Variants in SH3PXD2A observed in about 807,000 individuals in gnomAD.
SH3PXD2A encodes the protein SH3 and PX domain-containing protein 2A.
A neutral mutation model predicts 115.2 loss-of-function variants in SH3PXD2A; 32 were observed. The ratio of observed to expected loss-of-function variants is 0.28; its 90% CI spans 0.21 to 0.37. SH3PXD2A has a LOEUF of 0.37. Among genes scored for constraint, SH3PXD2A ranks in the 10% least tolerant of loss-of-function variants. SH3PXD2A has a pLI of 1.00. For missense variants in SH3PXD2A, 1,328 were observed against 1,498.7 expected (o/e 0.89, Z 1.88); for synonymous variants, 610 against 629.1 (o/e 0.97, Z 0.45).
intron 9 of SH3PXD2A, among the ~76,000 whole-genome samples, chr10:103,625,901 C>T (rs2036684550): frequency 6.6e-6 from 1 of 152,192 alleles, no homozygotes; most frequent in African/African-American, 2.4e-5. Context: ...ACAACAACAA[C>T]AAAAAGAATG....
chr10:103,689,011 C>T (rs1336930962), intron 6 of SH3PXD2A, among the ~76,000 whole-genome samples: 3 of 152,088 alleles, frequency 2.0e-5, no homozygotes, highest in Non-Finnish European at 4.4e-5. Flanking sequence ...GGACTACAGG[C>T]CTGCACCACT....
chr10:103,820,343 A>C (rs2039365415), intron 1 of SH3PXD2A, among the ~76,000 whole-genome samples: 2 of 152,102 alleles, frequency 1.3e-5, no homozygotes, highest in African/African-American at 4.8e-5. Context: ...ATTTGCTCCC[A>C]GGTCCCCTCA....
intron 13 of SH3PXD2A, among the ~76,000 whole-genome samples, chr10:103,610,388 T>G (rs2036407863): frequency 6.6e-6 from 1 of 152,226 alleles, no homozygotes; most frequent in African/African-American, 2.4e-5. Flanking sequence ...AAATCAAGTC[T>G]GCCTGAAAAT....
At chr10:103,781,174 T>G (rs1316274769) in intron 2 of SH3PXD2A, among the ~76,000 whole-genome samples, 2 of 152,238 alleles carry the variant, frequency 1.3e-5, no homozygotes, top group African/African-American at 4.8e-5. Flanking sequence ...TGCCTTGATA[T>G]TTCCACTGTC....
chr10:103,827,886 G>A (rs1312929666), intron 1 of SH3PXD2A, among the ~76,000 whole-genome samples: 1 of 152,210 alleles, frequency 6.6e-6, no homozygotes, highest in Non-Finnish European at 1.5e-5. Context: ...AGAGCCACTG[G>A]TTCCTCAGCT....
intron 3 of SH3PXD2A, among the ~76,000 whole-genome samples, chr10:103,747,474 G>T (rs2038519393): frequency 6.6e-6 from 1 of 152,172 alleles, no homozygotes; most frequent in African/African-American, 2.4e-5. Flanking sequence ...GGGACGCTGG[G>T]CAGAGCTTCC....
In SH3PXD2A at chr10:103,733,015, C is replaced by T. The variant is rs529024838; in HGVS notation, c.306+2717G>A. 7.1e-4 allele frequency among the ~76,000 whole-genome samples: 108 copies of T among 152,248 alleles called. 1 individual carries two copies. In the South Asian group the frequency reaches 0.015, roughly 20 times the overall value. ...TTTCTCAGACAATCAGACCACAGAT[C>T]CCAGCTTCTTAGTTCAGCAGAATTA... On this transcript the variant is annotated intron_variant, in intron 4 of 14. Coordinates refer to ENST00000369774, the MANE Select transcript of SH3PXD2A (RefSeq NM_001394015.1).
At chr10:103,834,571 G>A (rs2039512085) in intron 1 of SH3PXD2A, among the ~76,000 whole-genome samples, 1 of 152,210 alleles carries the variant, frequency 6.6e-6, no homozygotes, top group South Asian at 2.1e-4. Flanking sequence ...CTATGGTATG[G>A]GAATTATATC....
chr10:103,694,958 C>T (rs1472994795), intron 5 of SH3PXD2A, among the ~76,000 whole-genome samples: 1 of 152,174 alleles, frequency 6.6e-6, no homozygotes, highest in Non-Finnish European at 1.5e-5. Flanking sequence ...CTGTGCCCCC[C>T]AAAAGCTCAA....
intron 1 of SH3PXD2A, among the ~76,000 whole-genome samples, chr10:103,803,080 C>G (rs79649877): frequency 0.054 from 8,197 of 152,270 alleles, 624 homozygotes; most frequent in East Asian, 0.28. Flanking sequence ...CGGTGATACA[C>G]AGGAAAATGA....
At chr10:103,650,088 C>T (rs1342013261) in intron 8 of SH3PXD2A, among the ~76,000 whole-genome samples, 2 of 152,230 alleles carry the variant, frequency 1.3e-5, no homozygotes, top group Admixed American at 6.5e-5. Context: ...TTTAAATGCA[C>T]AGGGATGGGG....
intron 5 of SH3PXD2A, among the ~76,000 whole-genome samples, chr10:103,709,925 G>A (rs537412084): frequency 6.6e-6 from 1 of 152,082 alleles, no homozygotes; most frequent in South Asian, 2.1e-4. Flanking sequence ...GACCAACATG[G>A]CAAAACCTTG....
intron 1 of SH3PXD2A, among the ~76,000 whole-genome samples, chr10:103,812,188 C>T (rs1344539619): frequency 2.0e-5 from 3 of 152,204 alleles, no homozygotes; most frequent in Non-Finnish European, 4.4e-5. Flanking sequence ...CCTCTGGTCC[C>T]AAGTCAGCTT....
At position 103,602,671 on chromosome 10, in the gene SH3PXD2A, G is replaced by T; in HGVS notation, c.2547C>A (p.Ser849Arg). ...CCGAGTCCTGGACCTTCTGGTAGGC[G>T]CTGCATGTCATGTACGAGGTGGCTG... ...EGPATSYMTC[S>R]AYQKVQDSEI... Residue 849 changes from serine (S) to arginine (R), a missense_variant, in exon 15 of 15, where the codon AGC becomes AGA. Around this residue, in one of 5 missense-constraint regions of SH3PXD2A, gnomAD observed 574 missense variants for 565.7 expected, o/e 1.01. Transcript: ENST00000369774. 6.2e-7 allele frequency: 1 copy of T among 1,614,166 alleles called. No individual in the cohort carries two copies. Among genetic ancestry groups the T allele is most frequent in the Middle Eastern group, 1.6e-4 (1 of 6,062 alleles).
intron 4 of SH3PXD2A, among the ~76,000 whole-genome samples, chr10:103,729,152 G>A (rs1264088497): frequency 6.6e-6 from 1 of 152,010 alleles, no homozygotes; most frequent in East Asian, 1.9e-4. Context: ...CACCTGCCTC[G>A]GCCTCCCAAA....
At chr10:103,835,408 T>C (rs1301552569) in intron 1 of SH3PXD2A, among the ~76,000 whole-genome samples, 2 of 152,164 alleles carry the variant, frequency 1.3e-5, no homozygotes, top group African/African-American at 2.4e-5. Flanking sequence ...ACTGGGAAGG[T>C]CTGTTTCTCT....
chr10:103,639,480 T>C (rs574836024), intron 8 of SH3PXD2A, among the ~76,000 whole-genome samples: 1 of 151,642 alleles, frequency 6.6e-6, no homozygotes, highest in African/African-American at 2.4e-5. Context: ...CATGGTGGCG[T>C]GTGCCTGTAG....
intron 3 of SH3PXD2A, among the ~76,000 whole-genome samples, chr10:103,742,019 C>T (rs1210935364): frequency 1.3e-5 from 2 of 152,172 alleles, no homozygotes; most frequent in Non-Finnish European, 2.9e-5. Flanking sequence ...CATGGTGGCG[C>T]ACGCCTGTGA....
In SH3PXD2A at chr10:103,601,714, AC is replaced by A. The variant is rs1156310876; in HGVS notation, c.*101del. 4 of 100,902 alleles carry A rather than the reference AC, an allele frequency of 4.0e-5. No individual in the cohort carries two copies. The highest frequency in any genetic ancestry group is 3.1e-4 in the South Asian group (2 of 6,484). 6.3% of individuals were successfully genotyped at this position (100,902 alleles called of 1,614,324 possible). A position where few individuals can be genotyped will look rare whatever the true frequency, so the allele number is the denominator to read the frequency against. ...CAGTGTTGAATGTTGTCCACCCCCC[AC>A]CCCCCACCCCCATTTTTTCCTTTCC... is the stretch of plus-strand genomic sequence containing the variant. On this transcript the variant is annotated 3_prime_UTR_variant, in exon 15 of 15. Coordinates refer to ENST00000369774, the MANE Select transcript of SH3PXD2A (RefSeq NM_001394015.1).
Sources: gnomAD v4.1 joint callset for allele counts (sites outside exome capture counted in the v4.1 genomes callset) on GRCh38, gnomAD v4.1.1 for gene constraint, gnomAD v4.1.1 regional missense constraint, MANE v1.5 for transcripts, NCBI Gene and HGNC (gene_info 2026-07-23, HGNC 2026-07-21) for gene names.